Variants in PXDN observed in about 807,000 individuals in gnomAD.
PXDN encodes peroxidasin.
PXDN carries 77 observed loss-of-function variants against 140.3 expected under a neutral mutation model. The ratio of observed to expected loss-of-function variants is 0.55; its 90% confidence interval spans 0.46 to 0.66. The LOEUF (loss-of-function observed/expected upper bound fraction) is 0.66, where lower values mean the gene tolerates loss of function less well. PXDN is among the 30% of genes least tolerant of loss of function. PXDN has a pLI of 0.00. For missense variants in PXDN, 1,838 were observed against 2,039.5 expected, an observed-to-expected ratio of 0.90 and a Z score of 1.90; for synonymous variants, 911 against 857.4, an observed-to-expected ratio of 1.06 and a Z score of -1.09.
chr2:1,712,660 G>A (rs1353168523), intron 1 of PXDN, among the ~76,000 whole-genome samples: 2 of 152,248 alleles, frequency 1.3e-5, no homozygotes, highest in Non-Finnish European at 2.9e-5. Context: ...AAAGCGGCCA[G>A]CAGCAGAACT....
rs112030312 is a variant in PXDN, at chr2:1,647,164, G to A, written c.3608+1008C>T. ...TCACCTCAGCCTCCCAAAGTGCTGGGATTATAGGCATGAGCCACCGGGCCT... is the reference window on the plus strand; with the variant it reads ...TCACCTCAGCCTCCCAAAGTGCTGGAATTATAGGCATGAGCCACCGGGCCT... On this transcript the variant is annotated intron_variant, in intron 17 of 22. Transcript: ENST00000252804. Among the ~76,000 whole-genome samples, 58 of 152,118 alleles carry A rather than the reference G, an allele frequency of 3.8e-4. 1 individual carries two copies. The highest frequency in any genetic ancestry group is 1.1e-3 in the African/African-American group (47 of 41,426).
At chr2:1,710,715 CACTCCACCA>C (rs1684741017) in intron 1 of PXDN, among the ~76,000 whole-genome samples, 2 of 142,730 alleles carry the variant, frequency 1.4e-5, no homozygotes, top group African/African-American at 5.3e-5. Context: ...CACCAGCACC[CACTCCACCA>C]GCACCCTCTC....
chr2:1,646,509 C>T (rs1014857725), intron 17 of PXDN, among the ~76,000 whole-genome samples: 6 of 152,196 alleles, frequency 3.9e-5, no homozygotes, highest in African/African-American at 7.2e-5. Flanking sequence ...ACTGGATTAA[C>T]GGAGTGCGCA....
At chr2:1,741,435 G>T (rs1306279241) in intron 1 of PXDN, among the ~76,000 whole-genome samples, 1 of 152,112 alleles carries the variant, frequency 6.6e-6, no homozygotes, top group Non-Finnish European at 1.5e-5. Context: ...CAGGGCGCGG[G>T]CTCCTGCCAT....
Position 1,653,608 on chromosome 2 carries a change from G to A in PXDN, c.2104+20C>T. On this transcript the variant is annotated intron_variant, in intron 16 of 22. Transcript: ENST00000252804. Reference sequence around the variant, plus strand: ...CGTTACTCAGGCCATGGAGGAGGAAGAAAAGGCTTTGGCACTGACTTGTTC... The same window carrying A: ...CGTTACTCAGGCCATGGAGGAGGAAAAAAAGGCTTTGGCACTGACTTGTTC... 6 of 1,611,298 alleles carry A rather than the reference G, an allele frequency of 3.7e-6. No individual in the cohort carries two copies. Among genetic ancestry groups the A allele is most frequent in the Non-Finnish European group, 5.1e-6 (6 of 1,178,878 alleles).
rs921075005 is a variant in PXDN at position 1,639,009 on chromosome 2, A to G, written c.4074-31T>C. On this transcript the variant is annotated intron_variant, in intron 20 of 22. Transcript: ENST00000252804. The surrounding 1 kb of genome is among the most constrained non-coding windows in gnomAD (Gnocchi z 5.0). ...GTGAGGGGAAAGGAGGAGGAGGGAAATATAACCTTGGCAGGTCACGCCGGG... is the reference window on the plus strand; with the variant it reads ...GTGAGGGGAAAGGAGGAGGAGGGAAGTATAACCTTGGCAGGTCACGCCGGG... 2 of 1,611,464 alleles carry G rather than the reference A, an allele frequency of 1.2e-6. No homozygotes were observed. The highest frequency in any genetic ancestry group is 2.7e-5 in the African/African-American group (2 of 74,838).
intron 1 of PXDN, among the ~76,000 whole-genome samples, chr2:1,743,422 C>T (rs1175387101): frequency 6.6e-6 from 1 of 152,258 alleles, no homozygotes; most frequent in Non-Finnish European, 1.5e-5. Flanking sequence ...GGCCGCCCGG[C>T]TCGCTCCGGG....
intron 1 of PXDN, among the ~76,000 whole-genome samples, chr2:1,694,616 G>A (rs1354669410): frequency 2.0e-5 from 3 of 152,248 alleles, no homozygotes; most frequent in South Asian, 2.1e-4. Context: ...CTCCTCACAC[G>A]CACCCTCCCC....
At position 1,649,743 on chromosome 2, in the gene PXDN, T is replaced by C; in HGVS notation, c.2105-68A>G. The C allele has an allele frequency of 6.5e-7, 1 of 1,549,324 alleles. No individual in the cohort carries two copies. Among genetic ancestry groups the C allele is most frequent in the East Asian group, 2.3e-5 (1 of 44,388 alleles). ...GGATGTGTGAGGGCCCGGTACCCCT[T>C]GGCACCTCTGCCGCTGACATGGGGC... On this transcript the variant is annotated intron_variant, in intron 16 of 22. Coordinates refer to ENST00000252804, the MANE Select transcript of PXDN (RefSeq NM_012293.3). This position sits in a 1 kb window ranked among gnomAD's most constrained non-coding sequence, Gnocchi z 7.1.
At chr2:1,744,805 C>G (rs1015492789), upstream of PXDN, 3 of 206,160 alleles carry the variant, frequency 1.5e-5, no homozygotes, top group Non-Finnish European at 2.9e-5. Flanking sequence ...TTCTCTTACC[C>G]GTGGTTTCTG....
At chr2:1,733,534 G>A (rs1216738652) in intron 1 of PXDN, among the ~76,000 whole-genome samples, 2 of 152,102 alleles carry the variant, frequency 1.3e-5, no homozygotes, top group African/African-American at 2.4e-5. Flanking sequence ...CTGTAGTCAG[G>A]AGTTCGAGAC....
intron 1 of PXDN, among the ~76,000 whole-genome samples, chr2:1,728,375 T>C (rs1685238736): frequency 6.6e-6 from 1 of 152,256 alleles, no homozygotes; most frequent in African/African-American, 2.4e-5. Context: ...CTCTAGGAGC[T>C]ACCAGCCGGA....
intron 1 of PXDN, among the ~76,000 whole-genome samples, chr2:1,724,240 G>A (rs1295340384): frequency 1.3e-5 from 2 of 150,406 alleles, no homozygotes; most frequent in African/African-American, 4.9e-5. Context: ...GTTTCAATCC[G>A]TGCTAAGTCA....
In PXDN at chr2:1,726,480, A is replaced by G. The variant is rs890818423; in HGVS notation, c.200+17776T>C. ...GCTTTAGGAGATATACCTAATGCTA[A>G]ATGACGAGTTAATGGGTGCAGCACA... On this transcript the variant is annotated intron_variant, in intron 1 of 22. Coordinates refer to ENST00000252804, the MANE Select transcript of PXDN (RefSeq NM_012293.3). Among the ~76,000 whole-genome samples, 39 of 151,456 alleles carry G rather than the reference A, an allele frequency of 2.6e-4. 1 individual carries two copies. The highest frequency in any genetic ancestry group is 9.2e-4 in the Admixed American group (14 of 15,218).
chr2:1,642,129 C>A (rs180825534), intron 19 of PXDN, among the ~76,000 whole-genome samples: 1 of 152,206 alleles, frequency 6.6e-6, no homozygotes, highest in Admixed American at 6.5e-5. Context: ...ATTCTCCTAT[C>A]ATATATACTT....
At chr2:1,730,256 C>G (rs189747819) in intron 1 of PXDN, among the ~76,000 whole-genome samples, 200 of 152,262 alleles carry the variant, frequency 1.3e-3, no homozygotes, top group African/African-American at 4.6e-3. Context: ...TAAAAGAAAG[C>G]TGGATGATGC....
At chr2:1,679,565 A>T (rs1211939672) in intron 7 of PXDN, among the ~76,000 whole-genome samples, 2 of 130,710 alleles carry the variant, frequency 1.5e-5, no homozygotes, top group Admixed American at 1.6e-4. Flanking sequence ...GTGTGTGTGT[A>T]AATGGTGTGT....
chr2:1,671,972 G>C (rs1287596565), intron 9 of PXDN: 2 of 152,230 alleles, frequency 1.3e-5, no homozygotes, highest in East Asian at 3.8e-4. Context: ...GTGGTCATAA[G>C]ATATTGTTCT....
At chr2:1,662,760 G>A (rs975894000) in intron 12 of PXDN, among the ~76,000 whole-genome samples, 10 of 152,178 alleles carry the variant, frequency 6.6e-5, no homozygotes, top group East Asian at 3.9e-4. Flanking sequence ...GAGCCAACCC[G>A]GCGGGCCGGT....
Sources: gnomAD v4.1 joint callset for allele counts (sites outside exome capture counted in the v4.1 genomes callset) on GRCh38, gnomAD v4.1.1 for gene constraint, Gnocchi (gnomAD v3.1) non-coding constraint, MANE v1.5 for transcripts, NCBI Gene and HGNC (gene_info 2026-07-23, HGNC 2026-07-21) for gene names.